The following DLC1 variants were observed in gnomAD, a reference collection of about 807,000 sequenced individuals.
DLC1 encodes DLC1 Rho GTPase activating protein, also known as rho GTPase-activating protein 7.
DLC1 carries 54 observed loss-of-function variants against 140.3 expected under a neutral mutation model. The ratio of observed to expected loss-of-function variants is 0.38; its 90% CI spans 0.31 to 0.48. DLC1 has a LOEUF of 0.48. Among genes scored for constraint, DLC1 ranks in the 20% least tolerant of loss-of-function variants. The probability of loss-of-function intolerance (pLI) is 0.96; values close to 1 mark genes in which losing one functional copy is unlikely to be tolerated. For missense variants in DLC1, 2,536 were observed against 1,907.0 expected (o/e 1.33, Z -6.14); for synonymous variants, 986 against 728.1 (o/e 1.35, Z -5.70).
intron 5 of DLC1, among the ~76,000 whole-genome samples, chr8:13,156,115 C>T (rs1021856770): frequency 1.3e-5 from 2 of 152,084 alleles, no homozygotes; most frequent in Admixed American, 6.5e-5. Flanking sequence ...AAAGATGTGG[C>T]GACAGTATTC....
intron 5 of DLC1, among the ~76,000 whole-genome samples, chr8:13,255,202 C>G (rs1022315184): frequency 2.6e-5 from 4 of 152,060 alleles, no homozygotes; most frequent in African/African-American, 9.7e-5. Flanking sequence ...AACTCCTGAC[C>G]TCAAGTGATC....
chr8:13,208,193 CTG>C (rs1006582193), intron 5 of DLC1, among the ~76,000 whole-genome samples: 31 of 152,210 alleles, frequency 2.0e-4, no homozygotes, highest in Middle Eastern at 3.4e-3. Flanking sequence ...AGGTACTAAA[CTG>C]TTTAAAACAT....
At chr8:13,270,126 G>C (rs1384739129) in intron 5 of DLC1, among the ~76,000 whole-genome samples, 1 of 151,786 alleles carries the variant, frequency 6.6e-6, no homozygotes, top group African/African-American at 2.4e-5. Flanking sequence ...TAATTCATTT[G>C]AAATAGAGAA....
At position 13,499,280 on chromosome 8, in the gene DLC1, G is replaced by A. The variant is rs748100448; in HGVS notation, c.792C>T (p.Asn264=). Residue 264 remains asparagine, a synonymous_variant, in exon 2 of 18, where the codon AAC becomes AAT. Transcript: ENST00000276297. ...CTGTTTTTAATAATGGCAGTCCTCT[G>A]TTTGTGCAAGGAGTATCCAAGAACT... ...QNEFLDTPCT[N]RGLPLLKTDF... 1 of 1,614,136 alleles carries A rather than the reference G, an allele frequency of 6.2e-7. No individual in the cohort carries two copies. Among genetic ancestry groups the A allele is most frequent in the South Asian group, 1.1e-5 (1 of 91,086 alleles).
chr8:13,277,991 A>T (rs978993128), intron 5 of DLC1, among the ~76,000 whole-genome samples: 2 of 152,258 alleles, frequency 1.3e-5, no homozygotes, highest in Admixed American at 6.5e-5. Context: ...TTATGAAAAT[A>T]GTGAGATTGT....
At position 13,165,278 on chromosome 8, in the gene DLC1, T is replaced by G. The variant is rs545314761; in HGVS notation, c.1349-49621A>C. Among the ~76,000 whole-genome samples, 418 of 152,314 alleles carry G rather than the reference T, an allele frequency of 2.7e-3. 4 individuals are homozygous for G. The highest frequency in any genetic ancestry group is 9.5e-3 in the African/African-American group (395 of 41,566). Reference sequence around the variant, plus strand: ...TTATACAGTAGTCTTAATGAGATTCTAAGTGTTCAGTTAAAAGAAAGAAGG... The same window carrying G: ...TTATACAGTAGTCTTAATGAGATTCGAAGTGTTCAGTTAAAAGAAAGAAGG... On this transcript the variant is annotated intron_variant, in intron 5 of 17. Transcript: ENST00000276297.
At chr8:13,176,592 C>G (rs1464338281) in intron 5 of DLC1, among the ~76,000 whole-genome samples, 1 of 152,084 alleles carries the variant, frequency 6.6e-6, no homozygotes, top group Non-Finnish European at 1.5e-5. Flanking sequence ...CAAACAAACA[C>G]ACAAAACCCT....
chr8:13,171,420 T>C (rs1331951782), intron 5 of DLC1, among the ~76,000 whole-genome samples: 5 of 152,136 alleles, frequency 3.3e-5, no homozygotes, highest in Non-Finnish European at 5.9e-5. Flanking sequence ...TCTTGCTCTG[T>C]CACTCAGACT....
At chr8:13,534,657 G>A (rs1467019715) in intron 1 of DLC1, among the ~76,000 whole-genome samples, 2 of 152,188 alleles carry the variant, frequency 1.3e-5, no homozygotes, top group African/African-American at 4.8e-5. Context: ...ACCAGGCACT[G>A]AAAATTCACC....
chr8:13,597,438 C>T (rs548608540), intron 1 of DLC1, among the ~76,000 whole-genome samples: 4 of 152,090 alleles, frequency 2.6e-5, no homozygotes, highest in Non-Finnish European at 4.4e-5. Flanking sequence ...TGTTAAAATG[C>T]ATATTAAAAA....
intron 5 of DLC1, among the ~76,000 whole-genome samples, chr8:13,254,478 T>A (rs1350029320): frequency 1.3e-5 from 2 of 152,214 alleles, no homozygotes; most frequent in Non-Finnish European, 2.9e-5. Flanking sequence ...ACCTATATCT[T>A]TCCACTTTTG....
In DLC1 at chr8:13,257,666, C is replaced by G. The variant is rs371833481; in HGVS notation, c.1348+47603G>C. Among the ~76,000 whole-genome samples the G allele has an allele frequency of 2.2e-4, 33 of 151,612 alleles. 1 individual carries two copies. The East Asian group carries it at 5.4e-3, about 25-fold the overall frequency. ...GAATTTCCTGATTACATCAAGAGTGCTAACTCTACTCAGAATATGATGTTG... is the reference window on the plus strand; with the variant it reads ...GAATTTCCTGATTACATCAAGAGTGGTAACTCTACTCAGAATATGATGTTG... On this transcript the variant is annotated intron_variant, in intron 5 of 17. Transcript: ENST00000276297.
At position 13,085,776 on chromosome 8, in the gene DLC1, C is replaced by T. The variant is rs763007362; in HGVS notation, c.*35G>A. On this transcript the variant is annotated 3_prime_UTR_variant, in exon 18 of 18. Coordinates refer to ENST00000276297, the MANE Select transcript of DLC1 (RefSeq NM_182643.3). ...CTGGCAAAAGTTCTAGAAACAAACA[C>T]CATGGTGGTGGAAGCGGTTGCGTTG... is the stretch of plus-strand genomic sequence containing the variant. 1.9e-6 allele frequency: 3 copies of T among 1,613,466 alleles called. No homozygotes were observed. Among genetic ancestry groups the T allele is most frequent in the Admixed American group, 1.7e-5 (1 of 59,952 alleles).
At chr8:13,328,992 A>G (rs1833484511) in intron 4 of DLC1, among the ~76,000 whole-genome samples, 1 of 152,204 alleles carries the variant, frequency 6.6e-6, no homozygotes, top group Non-Finnish European at 1.5e-5. Context: ...GCTGGATCAG[A>G]GTGAGTTGAA....
chr8:13,458,988 G>T (rs1300340044), intron 2 of DLC1, among the ~76,000 whole-genome samples: 1 of 152,226 alleles, frequency 6.6e-6, no homozygotes, highest in Admixed American at 6.5e-5. Flanking sequence ...TCACTAACCA[G>T]CTAAAAATTT....
chr8:13,511,858 G>C (rs948379221), intron 1 of DLC1, among the ~76,000 whole-genome samples: 1 of 151,820 alleles, frequency 6.6e-6, no homozygotes, highest in Admixed American at 6.6e-5. Context: ...TTTTCAAGAG[G>C]AAACAAAAAA....
chr8:13,286,378 A>G (rs1440290433), intron 5 of DLC1, among the ~76,000 whole-genome samples: 1 of 152,198 alleles, frequency 6.6e-6, no homozygotes, highest in Non-Finnish European at 1.5e-5. Flanking sequence ...TAAGTGGATT[A>G]AATTTTATTA....
chr8:13,148,271 C>T (rs1010533042), intron 5 of DLC1, among the ~76,000 whole-genome samples: 1 of 152,088 alleles, frequency 6.6e-6, no homozygotes, highest in Non-Finnish European at 1.5e-5. Context: ...CTTTTCTGCT[C>T]CTCTCCCTCC....
intron 6 of DLC1, among the ~76,000 whole-genome samples, chr8:13,111,743 C>T (rs1205361559): frequency 2.6e-5 from 4 of 151,948 alleles, no homozygotes; most frequent in African/African-American, 9.7e-5. Context: ...CAGTAGAGTG[C>T]TACTACAATA....
Sources: gnomAD v4.1 joint callset for allele counts (sites outside exome capture counted in the v4.1 genomes callset) on GRCh38, gnomAD v4.1.1 for gene constraint, MANE v1.5 for transcripts, NCBI Gene and HGNC (gene_info 2026-07-23, HGNC 2026-07-21) for gene names.